Variants in CDH12 observed in about 807,000 individuals in gnomAD.
CDH12 encodes cadherin-12.
In CDH12, 41 loss-of-function variants were observed where a neutral mutation model predicts 74.1. The ratio of observed to expected loss-of-function variants is 0.55; its 90% CI spans 0.43 to 0.72. The LOEUF is 0.72. Among genes scored for constraint, CDH12 ranks in the 30% least tolerant of loss-of-function variants. CDH12 has a pLI of 0.00. For missense variants in CDH12, 945 were observed against 977.2 expected, an observed-to-expected ratio of 0.97 and a Z score of 0.44; for synonymous variants, 399 against 355.0, an observed-to-expected ratio of 1.12 and a Z score of -1.39.
At chr5:22,601,034 C>T (rs1736832564) in intron 1 of CDH12, among the ~76,000 whole-genome samples, 1 of 152,028 alleles carries the variant, frequency 6.6e-6, no homozygotes, top group Admixed American at 6.6e-5. Flanking sequence ...ATTTTTATTG[C>T]ACACTTGACA....
At chr5:21,976,330 T>C (rs1757069148) in intron 5 of CDH12, among the ~76,000 whole-genome samples, 1 of 151,728 alleles carries the variant, frequency 6.6e-6, no homozygotes, top group South Asian at 2.1e-4. Flanking sequence ...AACTAAAGAG[T>C]AGAGAGAATT....
chr5:22,779,787 T>C (rs374859301), intron 1 of CDH12, among the ~76,000 whole-genome samples: 55 of 152,308 alleles, frequency 3.6e-4, no homozygotes, highest in Middle Eastern at 3.4e-3. Flanking sequence ...TCCTCAGCCA[T>C]GTGGAACTGC....
chr5:21,977,408 G>C, intron 5 of CDH12, among the ~76,000 whole-genome samples: 1 of 151,984 alleles, frequency 6.6e-6, no homozygotes, highest in East Asian at 1.9e-4. Flanking sequence ...TATTCCTTTT[G>C]CTTTCAAATT....
intron 2 of CDH12, among the ~76,000 whole-genome samples, chr5:22,409,612 T>C (rs983949513): frequency 2.0e-5 from 3 of 152,156 alleles, no homozygotes; most frequent in African/African-American, 7.2e-5. Flanking sequence ...TGAGGGTCTT[T>C]CTTCTGCTTA....
intron 1 of CDH12, among the ~76,000 whole-genome samples, chr5:22,749,118 T>C (rs987558091): frequency 2.6e-5 from 4 of 152,190 alleles, no homozygotes; most frequent in African/African-American, 9.6e-5. Context: ...GGTGGGCGTG[T>C]TGGAGCTGAC....
intron 1 of CDH12, among the ~76,000 whole-genome samples, chr5:22,822,798 G>T (rs1749778231): frequency 6.6e-6 from 1 of 152,162 alleles, no homozygotes; most frequent in Non-Finnish European, 1.5e-5. Context: ...CTGTGAAGTA[G>T]TTCAACCATT....
At chr5:22,707,097 G>T (rs557811379) in intron 1 of CDH12, among the ~76,000 whole-genome samples, 42 of 152,168 alleles carry the variant, frequency 2.8e-4, no homozygotes, top group African/African-American at 9.4e-4. Flanking sequence ...TTGTGAACTG[G>T]CCTTATTACA....
At chr5:22,761,293 TA>T (rs563947615) in intron 1 of CDH12, among the ~76,000 whole-genome samples, 103 of 152,296 alleles carry the variant, frequency 6.8e-4, no homozygotes, top group African/African-American at 2.5e-3. Context: ...CAGGTTATAT[TA>T]AAAATTATCT....
intron 6 of CDH12, among the ~76,000 whole-genome samples, chr5:21,886,211 A>C (rs1212648715): frequency 6.6e-6 from 1 of 151,552 alleles, no homozygotes; most frequent in African/African-American, 2.4e-5. Context: ...TTTTGTAAAA[A>C]TTTTCTTTCT....
At chr5:22,104,745 A>G (rs773769528) in intron 4 of CDH12, among the ~76,000 whole-genome samples, 1 of 152,178 alleles carries the variant, frequency 6.6e-6, no homozygotes, top group Admixed American at 6.5e-5. Context: ...GATCCTTACC[A>G]GCCTAATAAT....
At chr5:21,789,467 G>T (rs769112785) in intron 10 of CDH12, among the ~76,000 whole-genome samples, 2 of 152,040 alleles carry the variant, frequency 1.3e-5, no homozygotes, top group African/African-American at 2.4e-5. Context: ...TGTTCTTTAT[G>T]TGCTGCATGC....
chr5:22,692,516 A>G (rs269011), intron 1 of CDH12, among the ~76,000 whole-genome samples: 17,687 of 148,902 alleles, frequency 0.12, 2,469 homozygotes, highest in African/African-American at 0.34. Context: ...TAAAGAGGGG[A>G]AAAAAAAAAG....
Position 22,810,860 on chromosome 5 carries a change from C to T in CDH12, c.-523+42198G>A, listed in dbSNP as rs145663303. Among the ~76,000 whole-genome samples the T allele has an allele frequency of 5.1e-3, 779 of 151,990 alleles. 6 individuals are homozygous for T. The highest frequency in any genetic ancestry group is 0.021 in the Middle Eastern group (6 of 292). On this transcript the variant is annotated intron_variant, in intron 1 of 14. Coordinates refer to ENST00000382254, the MANE Select transcript of CDH12 (RefSeq NM_004061.5). Reference sequence around the variant, plus strand: ...ATCGTACTCTGTACTCCAGCCTGGGCAACAGAGTAAGACCTTCTCTCAAAA... The same window carrying T: ...ATCGTACTCTGTACTCCAGCCTGGGTAACAGAGTAAGACCTTCTCTCAAAA...
chr5:22,687,749 T>A (rs1741887246), intron 1 of CDH12, among the ~76,000 whole-genome samples: 1 of 152,188 alleles, frequency 6.6e-6, no homozygotes, highest in South Asian at 2.1e-4. Context: ...TGCTTTATAA[T>A]CCTGTGTTAT....
intron 1 of CDH12, among the ~76,000 whole-genome samples, chr5:22,570,880 C>T (rs1008202075): frequency 6.6e-6 from 1 of 152,178 alleles, no homozygotes; most frequent in South Asian, 2.1e-4. Context: ...AGTGTAGCCA[C>T]CTTCATCAAT....
At chr5:21,871,145 G>T (rs1751596808) in intron 6 of CDH12, among the ~76,000 whole-genome samples, 1 of 152,164 alleles carries the variant, frequency 6.6e-6, no homozygotes, top group South Asian at 2.1e-4. Flanking sequence ...GATGAGTCTG[G>T]AATAGTGAGG....
intron 3 of CDH12, among the ~76,000 whole-genome samples, chr5:22,279,395 C>T (rs1736775966): frequency 1.3e-5 from 2 of 152,188 alleles, no homozygotes; most frequent in South Asian, 2.1e-4. Context: ...ATTGATTATA[C>T]TTTAAGTTTT....
At chr5:22,433,374 T>C (rs1744251104) in intron 2 of CDH12, among the ~76,000 whole-genome samples, 3 of 152,148 alleles carry the variant, frequency 2.0e-5, no homozygotes, top group Non-Finnish European at 4.4e-5. Flanking sequence ...TCCAGCATTT[T>C]TGAATCCTAA....
intron 5 of CDH12, among the ~76,000 whole-genome samples, chr5:22,077,158 T>G (rs545278365): frequency 8.5e-5 from 13 of 152,074 alleles, no homozygotes; most frequent in African/African-American, 2.9e-4. Flanking sequence ...GGTGACTCAA[T>G]TTTTAAACAT....
Sources: allele counts gnomAD v4.1 joint callset (sites outside exome capture counted in the v4.1 genomes callset), GRCh38; gene constraint gnomAD v4.1.1; transcripts MANE v1.5; gene names NCBI Gene and HGNC (gene_info 2026-07-23, HGNC 2026-07-21).